The following FRMPD1 variants were observed in gnomAD, a reference collection of about 807,000 sequenced individuals.
FRMPD1 encodes the protein FERM and PDZ domain-containing protein 1.
Under a neutral mutation model 117.8 loss-of-function variants are expected in FRMPD1, and 76 were observed. That is an observed-to-expected ratio of 0.65 (90% CI 0.54 to 0.78). The LOEUF (loss-of-function observed/expected upper bound fraction) is 0.78. Ranked by LOEUF, FRMPD1 falls within the 30% of genes least tolerant of loss-of-function variation. FRMPD1 has a pLI of 0.00. For missense variants in FRMPD1, 1,786 were observed against 1,964.5 expected, an observed-to-expected ratio of 0.91 and a Z score of 1.72; for synonymous variants, 783 against 770.4, an observed-to-expected ratio of 1.02 and a Z score of -0.27.
chr9:37,648,428 G>T (rs1270417815), upstream of FRMPD1, among the ~76,000 whole-genome samples: 1 of 152,148 alleles, frequency 6.6e-6, no homozygotes, highest in Non-Finnish European at 1.5e-5. Flanking sequence ...TTTGCTGCAC[G>T]ATCAAGAAGG....
At chr9:37,714,274 A>G (rs1218407762) in intron 5 of FRMPD1, among the ~76,000 whole-genome samples, 1 of 152,234 alleles carries the variant, frequency 6.6e-6, no homozygotes, top group Non-Finnish European at 1.5e-5. Flanking sequence ...TTAATCAGGC[A>G]GGTTTTTTCC....
At chr9:37,646,202 A>G (rs768554468), upstream of FRMPD1, among the ~76,000 whole-genome samples, 4 of 152,206 alleles carry the variant, frequency 2.6e-5, no homozygotes, top group Non-Finnish European at 4.4e-5. Flanking sequence ...AAGACCTTGA[A>G]TATTAAGAAC....
chr9:37,603,650 G>C, the FRMPD1 span, among the ~76,000 whole-genome samples: 1 of 150,748 alleles, frequency 6.6e-6, no homozygotes. Flanking sequence ...TAGGTTTTTT[G>C]TTTTGTTTTG....
upstream of FRMPD1, among the ~76,000 whole-genome samples, chr9:37,649,705 A>C (rs1820607669): frequency 6.6e-6 from 1 of 152,196 alleles, no homozygotes; most frequent in Non-Finnish European, 1.5e-5. Flanking sequence ...CATCCCCAGA[A>C]TGATCTAACA....
chr9:37,651,276 C>G (rs2119352649), intron 1 of FRMPD1, among the ~76,000 whole-genome samples, 182 bp downstream of exon 1: 1 of 152,324 alleles, frequency 6.6e-6, no homozygotes, highest in Middle Eastern at 3.4e-3. Flanking sequence ...TGGGCTAGCT[C>G]AGGACCTGCC....
intron 5 of FRMPD1, among the ~76,000 whole-genome samples, chr9:37,712,186 T>G (rs752838963): frequency 8.5e-5 from 13 of 152,234 alleles, no homozygotes; most frequent in Non-Finnish European, 1.6e-4. Context: ...GCAGGTCCCT[T>G]TTTCCGAATA....
chr9:37,619,229 A>G, the FRMPD1 span, among the ~76,000 whole-genome samples: 3 of 152,268 alleles, frequency 2.0e-5, no homozygotes, highest in South Asian at 6.2e-4. Flanking sequence ...ACCTTTCCTG[A>G]CATCTCTGTG....
At chr9:37,738,184 G>T (rs1288463033) in intron 14 of FRMPD1, among the ~76,000 whole-genome samples, 1 of 152,214 alleles carries the variant, frequency 6.6e-6, no homozygotes, top group Admixed American at 6.5e-5. Flanking sequence ...ATGATACCAT[G>T]ATGAATGTGG....
At chr9:37,675,885 T>C (rs894562340) in intron 1 of FRMPD1, among the ~76,000 whole-genome samples, 2 of 152,212 alleles carry the variant, frequency 1.3e-5, no homozygotes, top group African/African-American at 4.8e-5. Context: ...TGGTGTGTGT[T>C]CACCTGTCCT....
chr9:37,654,652 A>G (rs998136829), intron 1 of FRMPD1, among the ~76,000 whole-genome samples: 4 of 152,338 alleles, frequency 2.6e-5, no homozygotes, highest in South Asian at 4.1e-4. Flanking sequence ...TAAAAGTTCA[A>G]TTGAGGGTGA....
chr9:37,610,595 C>CT, the FRMPD1 span, among the ~76,000 whole-genome samples: 68,873 of 137,844 alleles, frequency 0.5, 19,439 homozygotes, highest in East Asian at 0.92. Context: ...CTATCACATT[C>CT]TTTTTTTTTT....
chr9:37,608,500 C>G, the FRMPD1 span, among the ~76,000 whole-genome samples: 26 of 147,820 alleles, frequency 1.8e-4, no homozygotes, highest in African/African-American at 6.2e-4. Context: ...CTTCCACTTT[C>G]TTTCTTCCTT....
intron 14 of FRMPD1, among the ~76,000 whole-genome samples, chr9:37,739,364 C>T (rs765528385): frequency 1.3e-5 from 2 of 152,162 alleles, no homozygotes; most frequent in Admixed American, 1.3e-4. Context: ...AGGGTTTAAG[C>T]AGGGTGTGAT....
intron 1 of FRMPD1, among the ~76,000 whole-genome samples, chr9:37,666,791 C>T (rs2119403505): frequency 6.6e-6 from 1 of 152,290 alleles, no homozygotes; most frequent in East Asian, 1.9e-4. Context: ...GTACTCAATG[C>T]ATAAAGGAAT....
intron 1 of FRMPD1, among the ~76,000 whole-genome samples, chr9:37,660,204 C>A (rs1359336853): frequency 2.0e-5 from 3 of 152,050 alleles, no homozygotes; most frequent in Non-Finnish European, 2.9e-5. Flanking sequence ...ATCAGACAGT[C>A]CCTGCCCCAC....
In FRMPD1 at chr9:37,731,076, C is replaced by G. The variant is rs1441137460; in HGVS notation, c.831C>G (p.Pro277=). ...CCCTGGACCTCCTGAAAGAAGACCC[C>G]GTGGCCTTTGAATACCTCTATCTGC... is the stretch of plus-strand genomic sequence containing the variant. ...KDPLDLLKED[P]VAFEYLYLQS... Residue 277 remains proline, a synonymous_variant, in exon 9 of 16, where the codon CCC becomes CCG. Transcript: ENST00000377765. The G allele has an allele frequency of 1.2e-6, 2 of 1,613,378 alleles. No individual in the cohort carries two copies. Among genetic ancestry groups the G allele is most frequent in the Non-Finnish European group, 1.7e-6 (2 of 1,179,444 alleles).
intron 1 of FRMPD1, among the ~76,000 whole-genome samples, chr9:37,665,827 G>A (rs10973474): frequency 1.3e-5 from 2 of 152,006 alleles, no homozygotes; most frequent in African/African-American, 4.8e-5. Context: ...TATGGTTCTG[G>A]ACCCCAGCAG....
At chr9:37,697,415 A>T (rs1264043037) in intron 2 of FRMPD1, among the ~76,000 whole-genome samples, 1 of 151,928 alleles carries the variant, frequency 6.6e-6, no homozygotes, top group East Asian at 1.9e-4. Flanking sequence ...AAAAACAAAA[A>T]AATTAGCCGG....
chr9:37,604,268 A>T, the FRMPD1 span, among the ~76,000 whole-genome samples: 1 of 152,212 alleles, frequency 6.6e-6, no homozygotes, highest in Non-Finnish European at 1.5e-5. Flanking sequence ...TATATTAAAG[A>T]TTATATTAAA....
Sources: allele counts gnomAD v4.1 joint callset (sites outside exome capture counted in the v4.1 genomes callset), GRCh38; gene constraint gnomAD v4.1.1; transcripts MANE v1.5; gene names NCBI Gene and HGNC (gene_info 2026-07-23, HGNC 2026-07-21).